The following ANO10 variants were observed in gnomAD, a reference collection of about 807,000 sequenced individuals.
ANO10 encodes the protein anoctamin 10.
In ANO10, 77 loss-of-function variants were observed where a neutral mutation model predicts 74.7. The observed-to-expected ratio is 1.03, with a 90% CI of 0.86 to 1.25. The LOEUF (loss-of-function observed/expected upper bound fraction) is 1.25, where lower values mean the gene tolerates loss of function less well. ANO10 is among the 50% of genes most tolerant of loss of function. ANO10 has a pLI of 0.00. For synonymous variants in ANO10, 279 were observed against 284.9 expected, an observed-to-expected ratio of 0.98 and a Z score of 0.21; for missense variants, 721 against 778.1, an observed-to-expected ratio of 0.93 and a Z score of 0.87.
At chr3:43,446,020 G>C (rs1439641325) in intron 11 of ANO10, among the ~76,000 whole-genome samples, 1 of 152,134 alleles carries the variant, frequency 6.6e-6, no homozygotes, top group Non-Finnish European at 1.5e-5. Flanking sequence ...TCCAAACACT[G>C]ATGAGAGTAA....
intron 12 of ANO10, among the ~76,000 whole-genome samples, chr3:43,387,472 TC>T (rs2092155634): frequency 3.3e-5 from 5 of 151,976 alleles, no homozygotes; most frequent in Admixed American, 2.6e-4. Context: ...GGCTGAGATT[TC>T]TAGATCATGG....
intron 5 of ANO10, among the ~76,000 whole-genome samples, chr3:43,577,901 C>G (rs758861641): frequency 9.2e-5 from 14 of 152,288 alleles, no homozygotes; most frequent in South Asian, 6.2e-4. Flanking sequence ...AACATGACTG[C>G]TAATGTTCTG....
chr3:43,530,654 G>C (rs2078422193), intron 11 of ANO10, among the ~76,000 whole-genome samples: 2 of 151,946 alleles, frequency 1.3e-5, no homozygotes, highest in African/African-American at 2.4e-5. Flanking sequence ...GCAGTATTTT[G>C]AGAGAGAGAC....
chr3:43,545,979 C>T (rs886784572), intron 11 of ANO10, among the ~76,000 whole-genome samples: 12 of 152,280 alleles, frequency 7.9e-5, no homozygotes, highest in Admixed American at 3.9e-4. Context: ...TGGCATTCAG[C>T]TGAGGTCTCA....
Position 43,422,209 on chromosome 3 carries a change from C to T in ANO10, c.1914+10402G>A, listed in dbSNP as rs528078307. On this transcript the variant is annotated intron_variant, in intron 12 of 12. Coordinates refer to ENST00000292246, the MANE Select transcript of ANO10 (RefSeq NM_018075.5). ...TCAGCTCATTGCAACCTCTGCCTCACGGGTTCAAGCGACTCTCCTGCCTCA... is the reference window on the plus strand; with the variant it reads ...TCAGCTCATTGCAACCTCTGCCTCATGGGTTCAAGCGACTCTCCTGCCTCA... Among the ~76,000 whole-genome samples, 14 of 152,282 alleles carry T rather than the reference C, an allele frequency of 9.2e-5. No homozygotes were observed. The South Asian group carries it at 1.0e-3, about 11-fold the overall frequency.
intron 11 of ANO10, among the ~76,000 whole-genome samples, chr3:43,503,423 C>T (rs773399960): frequency 1.1e-4 from 16 of 152,144 alleles, no homozygotes; most frequent in Admixed American, 5.2e-4. Context: ...TAACATTCAT[C>T]CCAATAGATG....
intron 12 of ANO10, among the ~76,000 whole-genome samples, chr3:43,417,161 A>G (rs1005652894): frequency 1.3e-5 from 2 of 152,224 alleles, no homozygotes; most frequent in African/African-American, 4.8e-5. Context: ...AGCAGCCTGT[A>G]AAGTCCAGCT....
chr3:43,552,710 A>ATG (rs2079529549), intron 10 of ANO10, among the ~76,000 whole-genome samples: 1 of 130,564 alleles, frequency 7.7e-6, no homozygotes, highest in Non-Finnish European at 1.6e-5. Context: ...ATATATATAT[A>ATG]TATATATATA....
intron 11 of ANO10, 70 bp from the exon 12 acceptor site, chr3:43,432,797 C>G: frequency 2.0e-6 from 2 of 1,006,398 alleles, no homozygotes; most frequent in Non-Finnish European, 3.2e-6. Flanking sequence ...AAATTGATAT[C>G]TAAGCAATCT....
rs1045845345 is a variant in ANO10, at chr3:43,594,756, T to C, written c.472+3776A>G. On this transcript the variant is annotated intron_variant, in intron 4 of 12. Transcript: ENST00000292246. Reference sequence around the variant, plus strand: ...AAGCTAGCAGAAGGCAAGAAATAACTAAGATCAGAGCAGAACTGAAGGAGA... The same window carrying C: ...AAGCTAGCAGAAGGCAAGAAATAACCAAGATCAGAGCAGAACTGAAGGAGA... Among the ~76,000 whole-genome samples, 70 of 151,868 alleles carry C rather than the reference T, an allele frequency of 4.6e-4. 1 individual carries two copies. Among genetic ancestry groups the C allele is most frequent in the Admixed American group, 4.3e-3 (65 of 15,270 alleles).
At chr3:43,598,484 T>C (rs753470129) in intron 4 of ANO10, 48 bp downstream of exon 4, 53 of 1,588,426 alleles carry the variant, frequency 3.3e-5, no homozygotes, top group Non-Finnish European at 4.5e-5. Context: ...ATCTATAATT[T>C]GCTATTTATG....
chr3:43,618,614 T>C (rs1218551606), intron 1 of ANO10, among the ~76,000 whole-genome samples: 1 of 152,076 alleles, frequency 6.6e-6, no homozygotes, highest in East Asian at 1.9e-4. Flanking sequence ...TACTCTTTCC[T>C]CCAAAAGACC....
At chr3:43,675,707 A>C (rs1346715841) in intron 1 of ANO10, among the ~76,000 whole-genome samples, 1 of 152,054 alleles carries the variant, frequency 6.6e-6, no homozygotes, top group African/African-American at 2.4e-5. Flanking sequence ...ATCACTACAC[A>C]CCCATCAGAA....
intron 10 of ANO10, among the ~76,000 whole-genome samples, chr3:43,552,718 A>ATGTATGTATG (rs1361415230): frequency 4.5e-5 from 6 of 133,138 alleles, no homozygotes; most frequent in African/African-American, 6.3e-5. Flanking sequence ...ATATATATAT[A>ATGTATGTATG]TATATATATA....
At chr3:43,396,222 C>G (rs1245470757) in intron 12 of ANO10, among the ~76,000 whole-genome samples, 1 of 152,162 alleles carries the variant, frequency 6.6e-6, no homozygotes, top group Non-Finnish European at 1.5e-5. Context: ...CAGTTTTAGA[C>G]TTTTCATAGA....
intron 1 of ANO10, chr3:43,691,326 T>A: frequency 3.6e-6 from 1 of 277,486 alleles, no homozygotes; most frequent in Non-Finnish European, 6.7e-6. Context: ...CCCGTTGTTG[T>A]ATAAGCCACC....
intron 11 of ANO10, among the ~76,000 whole-genome samples, chr3:43,465,480 C>G (rs780505474): frequency 1.3e-5 from 2 of 151,854 alleles, no homozygotes; most frequent in Non-Finnish European, 2.9e-5. Context: ...ATTGTGAAAC[C>G]CTGTCTCTAC....
intron 9 of ANO10, among the ~76,000 whole-genome samples, chr3:43,559,506 ACAG>A (rs1011617840): frequency 3.3e-5 from 5 of 152,196 alleles, no homozygotes; most frequent in African/African-American, 1.2e-4. Context: ...CAGGATAAAA[ACAG>A]CAGAAGATGT....
At chr3:43,547,591 T>C (rs1350551732) in intron 11 of ANO10, among the ~76,000 whole-genome samples, 1 of 152,020 alleles carries the variant, frequency 6.6e-6, no homozygotes, top group African/African-American at 2.4e-5. Flanking sequence ...AATAAATAAA[T>C]AAATAAGAGG....
Sources: gnomAD v4.1 joint callset for allele counts (sites outside exome capture counted in the v4.1 genomes callset) on GRCh38, gnomAD v4.1.1 for gene constraint, MANE v1.5 for transcripts, NCBI Gene and HGNC (gene_info 2026-07-23, HGNC 2026-07-21) for gene names.